The following RSPH14 variants were observed in gnomAD, a reference collection of about 807,000 sequenced individuals.
The protein encoded by RSPH14 is radial spoke head 14 homolog.
A neutral mutation model predicts 26.7 loss-of-function variants in RSPH14; 20 were observed. The ratio of observed to expected loss-of-function variants is 0.75; its 90% confidence interval spans 0.53 to 1.09. RSPH14 has a LOEUF of 1.09. Ranked by LOEUF, RSPH14 falls within the 50% of genes least tolerant of loss-of-function variation. The probability of loss-of-function intolerance (pLI) is 0.00; values close to 1 mark genes in which losing one functional copy is unlikely to be tolerated. For synonymous variants in RSPH14, 177 were observed against 189.3 expected (o/e 0.93, Z 0.53); for missense variants, 449 against 457.2 (o/e 0.98, Z 0.16).
chr22:23,121,985 C>G (rs1331934117), intron 4 of RSPH14, among the ~76,000 whole-genome samples: 1 of 152,150 alleles, frequency 6.6e-6, no homozygotes, highest in African/African-American at 2.4e-5. Context: ...CCTGCCTCAG[C>G]CTCCTAAAGT....
At chr22:23,172,565 G>A in the RSPH14 span, among the ~76,000 whole-genome samples, 2 of 148,424 alleles carry the variant, frequency 1.3e-5, no homozygotes, top group South Asian at 2.1e-4. Flanking sequence ...TTAGCCAGGC[G>A]CGGTAGTGGG....
chr22:23,126,345 C>T (rs6003517), intron 4 of RSPH14, among the ~76,000 whole-genome samples: 8,344 of 152,216 alleles, frequency 0.055, 804 homozygotes, highest in African/African-American at 0.19. Context: ...CTCTCTGGCC[C>T]CGTCCTCCCC....
intron 4 of RSPH14, among the ~76,000 whole-genome samples, chr22:23,079,563 T>C (rs1313755747): frequency 6.6e-6 from 1 of 152,050 alleles, no homozygotes; most frequent in African/African-American, 2.4e-5. Context: ...CAAGCAAGCG[T>C]CGGGAGCAAA....
chr22:23,109,813 C>T (rs2069595017), intron 4 of RSPH14, among the ~76,000 whole-genome samples: 1 of 152,200 alleles, frequency 6.6e-6, no homozygotes, highest in Admixed American at 6.5e-5. Context: ...AGAGAAGGCT[C>T]AGAGCATAGG....
chr22:23,174,903 G>T, the RSPH14 span, among the ~76,000 whole-genome samples: 1 of 151,846 alleles, frequency 6.6e-6, no homozygotes, highest in Non-Finnish European at 1.5e-5. Context: ...GGAAGCGGAG[G>T]TTGTGGTGAG....
intron 3 of RSPH14, among the ~76,000 whole-genome samples, chr22:23,135,317 C>CAAAAAAAAA (rs55649510): frequency 7.4e-3 from 629 of 84,458 alleles, no homozygotes; most frequent in Middle Eastern, 0.014. Flanking sequence ...ACTAAAAATA[C>CAAAAAAAAA]AAAAAAAAAA....
intron 4 of RSPH14, among the ~76,000 whole-genome samples, chr22:23,079,156 G>A (rs886325090): frequency 2.0e-5 from 3 of 152,224 alleles, no homozygotes; most frequent in South Asian, 2.1e-4. Flanking sequence ...AGAGGTGGGC[G>A]ATAAACACTC....
chr22:23,146,744 C>T, upstream of RSPH14: 1 of 1,589,246 alleles, frequency 6.3e-7, no homozygotes. Context: ...CAGCTCTCCC[C>T]ACTCTACACT....
intron 4 of RSPH14, among the ~76,000 whole-genome samples, chr22:23,107,264 C>G (rs1037094471): frequency 6.0e-4 from 92 of 152,280 alleles, no homozygotes; most frequent in African/African-American, 2.1e-3. Flanking sequence ...CCTGCCCTGG[C>G]CCCCATCCCA....
In RSPH14 at chr22:23,081,851, C is replaced by T. The variant is rs575797151; in HGVS notation, c.422-17718G>A. 5.0e-3 allele frequency among the ~76,000 whole-genome samples: 707 copies of T among 141,054 alleles called. 3 individuals carry two copies. The highest frequency in any genetic ancestry group is 0.017 in the African/African-American group (654 of 37,390). 92.5% of individuals were successfully genotyped at this position (141,054 alleles called of 152,430 possible). A position where few individuals can be genotyped will look rare whatever the true frequency, so the allele number is the denominator to read the frequency against. ...AAAAAAAAAAAAAAAAAAGGCCAGG[C>T]GCAGTGGCTCACGCCTGTAATCCCA... On this transcript the variant is annotated intron_variant, in intron 4 of 6. Coordinates refer to ENST00000216036, the MANE Select transcript of RSPH14 (RefSeq NM_014433.3).
chr22:23,091,963 G>T (rs888872093), intron 4 of RSPH14, among the ~76,000 whole-genome samples: 2 of 151,906 alleles, frequency 1.3e-5, no homozygotes, highest in Non-Finnish European at 2.9e-5. Context: ...CCCACACACC[G>T]CAGGGCCTTA....
chr22:23,179,029 G>C, the RSPH14 span, among the ~76,000 whole-genome samples: 1 of 152,184 alleles, frequency 6.6e-6, no homozygotes, highest in Non-Finnish European at 1.5e-5. Context: ...TGACAAAACT[G>C]AGGCTCAGAG....
intron 4 of RSPH14, chr22:23,124,547 T>C (rs927480490): frequency 3.7e-6 from 1 of 273,198 alleles, no homozygotes; most frequent in Non-Finnish European, 8.3e-6. Context: ...TAAAGAAGGT[T>C]CTTTCACCTG....
rs982350300 is a variant in RSPH14, at chr22:23,071,601, T to G, written c.422-7468A>C. On this transcript the variant is annotated intron_variant, in intron 4 of 6. Coordinates refer to ENST00000216036, the MANE Select transcript of RSPH14 (RefSeq NM_014433.3). The surrounding 1 kb of genome is among the most constrained non-coding windows in gnomAD (Gnocchi z 4.1). Reference sequence around the variant, plus strand: ...TGGTCACTCCCCCAGAGCTTGACGCTGGGGTGCACCGGGTGGGAGTGGACT... The same window carrying G: ...TGGTCACTCCCCCAGAGCTTGACGCGGGGGTGCACCGGGTGGGAGTGGACT... Among the ~76,000 whole-genome samples, 8 of 152,164 alleles carry G rather than the reference T, an allele frequency of 5.3e-5. No homozygotes were observed. The highest frequency in any genetic ancestry group is 1.9e-4 in the African/African-American group (8 of 41,436).
At chr22:23,125,757 T>C (rs997773374) in intron 4 of RSPH14, among the ~76,000 whole-genome samples, 9 of 152,194 alleles carry the variant, frequency 5.9e-5, no homozygotes, top group African/African-American at 2.2e-4. Flanking sequence ...TTGCTCCCAC[T>C]GGAGGAGCAG....
At chr22:23,130,796 C>T (rs2070347116) in intron 4 of RSPH14, among the ~76,000 whole-genome samples, 1 of 152,236 alleles carries the variant, frequency 6.6e-6, no homozygotes, top group African/African-American at 2.4e-5. Flanking sequence ...AAGATGTTTC[C>T]TCTCACCAGG....
intron 4 of RSPH14, among the ~76,000 whole-genome samples, chr22:23,108,146 C>T (rs1403245403): frequency 6.6e-6 from 1 of 152,240 alleles, no homozygotes; most frequent in African/African-American, 2.4e-5. Flanking sequence ...GGGGAGCAGC[C>T]AGGCAATCCC....
upstream of RSPH14, chr22:23,142,061 G>C: frequency 1.0e-6 from 1 of 985,078 alleles, no homozygotes; most frequent in Non-Finnish European, 1.2e-6. Flanking sequence ...CGCCGCGGTC[G>C]ACATAATCAG....
chr22:23,077,221 C>T (rs775833030), intron 4 of RSPH14, among the ~76,000 whole-genome samples: 13 of 152,182 alleles, frequency 8.5e-5, no homozygotes, highest in Non-Finnish European at 1.8e-4. Context: ...ATGCCCCTTC[C>T]TTAGTGACAC....
Sources: allele counts gnomAD v4.1 joint callset (sites outside exome capture counted in the v4.1 genomes callset), GRCh38; gene constraint gnomAD v4.1.1; non-coding constraint Gnocchi (gnomAD v3.1); transcripts MANE v1.5; gene names NCBI Gene and HGNC (gene_info 2026-07-23, HGNC 2026-07-21).